The following CLEC4E variants were observed in gnomAD, a reference collection of about 807,000 sequenced individuals.
CLEC4E encodes C-type lectin domain family 4 member E.
Under a neutral mutation model 24.7 loss-of-function variants are expected in CLEC4E, and 21 were observed. That is an observed-to-expected ratio of 0.85 (90% CI 0.60 to 1.22). CLEC4E has a LOEUF of 1.22. Ranked by LOEUF, CLEC4E falls within the 50% of genes most tolerant of loss-of-function variation. CLEC4E has a pLI of 0.00. For synonymous variants in CLEC4E, 94 were observed against 85.7 expected (o/e 1.10, Z -0.54); for missense variants, 249 against 254.1 (o/e 0.98, Z 0.14).
intron 4 of CLEC4E, 81 bp downstream of exon 4, chr12:8,537,034 G>A: frequency 2.4e-6 from 3 of 1,258,036 alleles, no homozygotes; most frequent in East Asian, 5.0e-5. Flanking sequence ...AGTCATTGGG[G>A]GTCAAGCACT....
chr12:8,539,417 C>A (rs1307422289), intron 2 of CLEC4E, 111 bp from the exon 3 acceptor site: 4 of 727,120 alleles, frequency 5.5e-6, no homozygotes, highest in Non-Finnish European at 9.4e-6. Flanking sequence ...TTTTTTCTTA[C>A]AATCTGCTTT....
intron 5 of CLEC4E, among the ~76,000 whole-genome samples, chr12:8,535,797 C>A (rs1940603835): frequency 6.6e-6 from 1 of 152,194 alleles, no homozygotes; most frequent in African/African-American, 2.4e-5. Flanking sequence ...TCTCAACTTA[C>A]TATTTTTTTC....
Position 8,539,283 on chromosome 12 carries a change from A to C in CLEC4E, c.154T>G (p.Cys52Gly). The C allele has an allele frequency of 6.2e-7, 1 of 1,611,404 alleles. No homozygotes were observed. Among genetic ancestry groups the C allele is most frequent in the Non-Finnish European group, 8.5e-7 (1 of 1,178,548 alleles). ...GGTAGCTGAAACTTTTTCTCATCAC[A>C]GGTTTGAAAGATGCGAAATGTCACT... ...CVVTFRIFQT[C>G]DEKKFQLPEN... is the part of the protein sequence containing the mutation. The change falls in exon 3 of 6, where the codon TGT (cysteine) becomes GGT (glycine). Residue 52 changes from cysteine (C) to glycine (G), a missense_variant. Physicochemically the swap from Cys to Gly is radical, Grantham distance 159. Coordinates refer to ENST00000299663, the MANE Select transcript of CLEC4E (RefSeq NM_014358.4).
At position 8,534,404 on chromosome 12, in the gene CLEC4E, T is replaced by C. The variant is rs369144547; in HGVS notation, c.*234A>G. On this transcript the variant is annotated 3_prime_UTR_variant, in exon 6 of 6. Coordinates refer to ENST00000299663, the MANE Select transcript of CLEC4E (RefSeq NM_014358.4). ...ATGAGGCAAATGTAGCAAAAGGTAG[T>C]GAATTGCTTTGTAAATTCTGGGAAG... The C allele has an allele frequency of 3.4e-5, 11 of 323,164 alleles. No individual in the cohort carries two copies. Among genetic ancestry groups the C allele is most frequent in the African/African-American group, 1.7e-4 (8 of 46,456 alleles). 20.0% of individuals were successfully genotyped at this position (323,164 alleles called of 1,614,324 possible).
chr12:8,539,814 C>T, intron 2 of CLEC4E, 41 bp downstream of exon 2: 1 of 1,261,028 alleles, frequency 7.9e-7, no homozygotes, highest in Admixed American at 1.7e-5. Context: ...TCCTAATATG[C>T]ACCAGGAAGA....
At chr12:8,540,024 T>A (rs1940676434) in intron 1 of CLEC4E, 77 bp from the exon 2 acceptor site, 1 of 919,328 alleles carries the variant, frequency 1.1e-6, no homozygotes, top group African/African-American at 1.6e-5. Context: ...TTCTTATTCA[T>A]CCTTACTTAT....
Position 8,537,131 on chromosome 12 carries a change from T to C in CLEC4E, c.356A>G (p.Asn119Ser). The C allele has an allele frequency of 6.2e-7, 1 of 1,613,086 alleles. No individual in the cohort carries two copies. The highest frequency in any genetic ancestry group is 1.7e-5 in the Admixed American group (1 of 59,902). ...SAMGAHLVVI[N>S]SQEEQEFLSY... ...TCCAGCTACCTGCTCCTCCTGTGAG[T>C]TGATAACCACCAGGTGAGCCCCCAT... is the stretch of plus-strand genomic sequence containing the variant. Residue 119 changes from asparagine to serine, a missense_variant, in exon 4 of 6, where the codon AAC becomes AGC. Physicochemically the swap from Asn to Ser is conservative, Grantham distance 46. Transcript: ENST00000299663.
At chr12:8,538,569 T>G (rs915571794) in intron 3 of CLEC4E, among the ~76,000 whole-genome samples, 2 of 152,194 alleles carry the variant, frequency 1.3e-5, no homozygotes, top group Non-Finnish European at 2.9e-5. Context: ...CTCCGCGCAT[T>G]GGTGGTAGTG....
chr12:8,538,332 T>C (rs1310045137), intron 3 of CLEC4E, among the ~76,000 whole-genome samples: 2 of 152,254 alleles, frequency 1.3e-5, no homozygotes, highest in Non-Finnish European at 2.9e-5. Flanking sequence ...TTAGCGAAAG[T>C]ACTAATAGTC....
At position 8,536,767 on chromosome 12, in the gene CLEC4E, G is replaced by A. The variant is rs143078723; in HGVS notation, c.372+348C>T. Among the ~76,000 whole-genome samples, 314 of 152,078 alleles carry A rather than the reference G, an allele frequency of 2.1e-3. 1 individual carries two copies. The highest frequency in any genetic ancestry group is 7.3e-3 in the African/African-American group (302 of 41,476). On this transcript the variant is annotated intron_variant, in intron 4 of 5. Coordinates refer to ENST00000299663, the MANE Select transcript of CLEC4E (RefSeq NM_014358.4). ...GCCAAATTTATTGAATATATCTAGC[G>A]CAAAATATTATTAATCACAGCTTAA...
rs756750094 is a variant in CLEC4E, at chr12:8,539,357, T to C, written c.131-51A>G. On this transcript the variant is annotated intron_variant, in intron 2 of 5. Transcript: ENST00000299663. Reference sequence around the variant, plus strand: ...GTTAGTCTTATTTCGGTTAAAAATGTCAGTTCCCTCAGTTTTGTATTTATA... The same window carrying C: ...GTTAGTCTTATTTCGGTTAAAAATGCCAGTTCCCTCAGTTTTGTATTTATA... The C allele has an allele frequency of 3.6e-6, 4 of 1,114,806 alleles. No individual in the cohort carries two copies. The East Asian group carries it at 9.6e-5, about 27-fold the overall frequency. 69.1% of individuals were successfully genotyped at this position (1,114,806 alleles called of 1,614,324 possible).
At chr12:8,537,325 CTTCA>C in intron 3 of CLEC4E, 59 bp from the exon 4 acceptor site, 1 of 1,536,886 alleles carries the variant, frequency 6.5e-7, no homozygotes, top group South Asian at 1.2e-5. Flanking sequence ...AAACCCAAAG[CTTCA>C]TCTGGCCCCA....
At chr12:8,538,466 A>C (rs1940645965) in intron 3 of CLEC4E, among the ~76,000 whole-genome samples, 1 of 152,190 alleles carries the variant, frequency 6.6e-6, no homozygotes, top group Non-Finnish European at 1.5e-5. Context: ...GACCTTACCT[A>C]TCATTGGAGA....
intron 2 of CLEC4E, 123 bp downstream of exon 2, chr12:8,539,732 A>AG (rs1454824191): frequency 8.5e-6 from 4 of 469,804 alleles, no homozygotes; most frequent in Non-Finnish European, 1.5e-5. Context: ...ATTAATAGGG[A>AG]AAAAAAAAAG....
At position 8,534,632 on chromosome 12, in the gene CLEC4E, C is replaced by T; in HGVS notation, c.*6G>A. The stretch of plus-strand genomic sequence containing the variant: ...TCTTTACACATTTGAGTTGTGCCTT[C>T]TGTTCTTAAAGAGATTTTCCTTTGT... On this transcript the variant is annotated 3_prime_UTR_variant, in exon 6 of 6. Coordinates refer to ENST00000299663, the MANE Select transcript of CLEC4E (RefSeq NM_014358.4). 1 of 1,610,084 alleles carries T rather than the reference C, an allele frequency of 6.2e-7. No homozygotes were observed. The highest frequency in any genetic ancestry group is 8.5e-7 in the Non-Finnish European group (1 of 1,177,254).
Position 8,537,325 on chromosome 12 carries a change from C to T in CLEC4E, c.221-59G>A. On this transcript the variant is annotated intron_variant, in intron 3 of 5. Transcript: ENST00000299663. ...GTGAACCGAATAAGAAAACCCAAAG[C>T]TTCATCTGGCCCCATGGAGTCCTCA... 9.1e-6 allele frequency: 14 copies of T among 1,536,886 alleles called. 1 individual carries two copies. Among genetic ancestry groups the T allele is most frequent in the South Asian group, 8.4e-5 (7 of 82,982 alleles).
intron 5 of CLEC4E, among the ~76,000 whole-genome samples, chr12:8,535,625 C>CAT: frequency 6.6e-6 from 1 of 152,214 alleles, no homozygotes; most frequent in East Asian, 1.9e-4. Flanking sequence ...TGAGAATCAA[C>CAT]ATATATAGCA....
chr12:8,536,990 G>A, intron 4 of CLEC4E, 125 bp downstream of exon 4: 1 of 825,352 alleles, frequency 1.2e-6, no homozygotes, highest in Non-Finnish European at 1.7e-6. Context: ...GAAATAGTAA[G>A]AACAGCATGC....
intron 3 of CLEC4E, among the ~76,000 whole-genome samples, chr12:8,537,903 A>G (rs1171234670): frequency 6.6e-6 from 1 of 152,262 alleles, no homozygotes; most frequent in African/African-American, 2.4e-5. Context: ...ACCAGGCCGT[A>G]CAGAGCTACG....
Sources: allele counts gnomAD v4.1 joint callset (sites outside exome capture counted in the v4.1 genomes callset), GRCh38; gene constraint gnomAD v4.1.1; transcripts MANE v1.5; gene names NCBI Gene and HGNC (gene_info 2026-07-23, HGNC 2026-07-21).